Variants in PID1 observed in about 807,000 individuals in gnomAD.
PID1 encodes PTB-containing, cubilin and LRP1-interacting protein.
Under a neutral mutation model 19.1 loss-of-function variants are expected in PID1, and 10 were observed. The observed-to-expected ratio is 0.52, with a 90% CI of 0.32 to 0.89. PID1 has a LOEUF of 0.89. Among genes scored for constraint, PID1 ranks in the 40% least tolerant of loss-of-function variants. PID1 has a pLI of 0.03. For synonymous variants in PID1, 130 were observed against 116.0 expected, an observed-to-expected ratio of 1.12 and a Z score of -0.78; for missense variants, 248 against 285.3, an observed-to-expected ratio of 0.87 and a Z score of 0.94.
chr2:229,093,100 C>T (rs1280564403), intron 2 of PID1, among the ~76,000 whole-genome samples: 1 of 151,164 alleles, frequency 6.6e-6, no homozygotes, highest in East Asian at 1.9e-4. Flanking sequence ...GTTTCTCCCT[C>T]CCCTTTTCTG....
rs552416079 is a variant in PID1, at chr2:229,137,927, C to T, written c.177+17891G>A. 5.3e-5 allele frequency among the ~76,000 whole-genome samples: 8 copies of T among 152,268 alleles called. No homozygotes were observed. In the East Asian group the frequency reaches 1.4e-3, roughly 26 times the overall value. On this transcript the variant is annotated intron_variant, in intron 2 of 2. Transcript: ENST00000392055. Reference sequence around the variant, plus strand: ...CTGTGCAGATGACAAATAAACCCATCGACAGTTCCCTACGTAGAACAGGTG... The same window carrying T: ...CTGTGCAGATGACAAATAAACCCATTGACAGTTCCCTACGTAGAACAGGTG...
intron 1 of PID1, among the ~76,000 whole-genome samples, chr2:229,250,364 T>C (rs909701794): frequency 4.6e-5 from 7 of 152,244 alleles, no homozygotes; most frequent in Admixed American, 1.3e-4. Context: ...AATGCTTTTA[T>C]TTAAAGATGG....
At chr2:229,221,484 C>T (rs988245078) in intron 1 of PID1, among the ~76,000 whole-genome samples, 1 of 152,172 alleles carries the variant, frequency 6.6e-6, no homozygotes, top group African/African-American at 2.4e-5. Flanking sequence ...TTGAGACCTT[C>T]TCTTCATTCC....
chr2:229,213,836 T>C (rs1470264586), intron 1 of PID1, among the ~76,000 whole-genome samples: 1 of 152,156 alleles, frequency 6.6e-6, no homozygotes, highest in Non-Finnish European at 1.5e-5. Context: ...GGACCCTTGA[T>C]TAAAAACACA....
intron 1 of PID1, among the ~76,000 whole-genome samples, chr2:229,267,462 T>C (rs1041000469): frequency 1.3e-5 from 2 of 152,218 alleles, no homozygotes; most frequent in African/African-American, 4.8e-5. Context: ...CATGAGAAGA[T>C]GGTTACATGT....
intron 1 of PID1, among the ~76,000 whole-genome samples, chr2:229,176,118 T>G (rs1293708771): frequency 6.6e-6 from 1 of 151,700 alleles, no homozygotes; most frequent in East Asian, 1.9e-4. Context: ...GAAATTTAGA[T>G]TTCTACAGTT....
At chr2:229,118,870 G>C (rs1158571278) in intron 2 of PID1, among the ~76,000 whole-genome samples, 1 of 152,138 alleles carries the variant, frequency 6.6e-6, no homozygotes, top group Admixed American at 6.5e-5. Flanking sequence ...CTAAGATCTT[G>C]ACCAGTATAA....
chr2:229,108,917 C>A (rs1409711488), intron 2 of PID1, among the ~76,000 whole-genome samples: 1 of 152,152 alleles, frequency 6.6e-6, no homozygotes, highest in African/African-American at 2.4e-5. Context: ...CCTGAGTACT[C>A]TCTGTATGAT....
chr2:229,066,703 G>T (rs557695689), intron 2 of PID1, among the ~76,000 whole-genome samples: 1 of 151,582 alleles, frequency 6.6e-6, no homozygotes, highest in African/African-American at 2.4e-5. Context: ...CTATTTTGAG[G>T]ACATAGCATA....
chr2:229,071,568 C>A (rs1375856267), intron 2 of PID1, among the ~76,000 whole-genome samples: 1 of 152,204 alleles, frequency 6.6e-6, no homozygotes, highest in African/African-American at 2.4e-5. Flanking sequence ...ATGATATCTT[C>A]TATATATAAG....
At chr2:229,223,339 G>A (rs141391031) in intron 1 of PID1, among the ~76,000 whole-genome samples, 163 of 152,236 alleles carry the variant, frequency 1.1e-3, no homozygotes, top group African/African-American at 3.5e-3. Flanking sequence ...TTTCTCAAAT[G>A]TGTTTACTAA....
chr2:229,064,828 A>AATGAC, intron 2 of PID1, among the ~76,000 whole-genome samples: 1 of 152,142 alleles, frequency 6.6e-6, no homozygotes, highest in African/African-American at 2.4e-5. Flanking sequence ...GGAGAAATGA[A>AATGAC]ACCTACTTGT....
At chr2:229,030,096 A>G (rs2106164155) in intron 2 of PID1, among the ~76,000 whole-genome samples, 1 of 152,372 alleles carries the variant, frequency 6.6e-6, no homozygotes, top group South Asian at 2.1e-4. Context: ...GCAAATTCTG[A>G]CAGATACTAC....
rs370474565 is a variant in PID1, at chr2:229,155,899, C to T, written c.96G>A (p.Ala32=). 8.1e-6 allele frequency: 13 copies of T among 1,613,808 alleles called. No homozygotes were observed. The East Asian group carries it at 8.9e-5, about 11-fold the overall frequency. Residue 32 remains alanine (A), a synonymous_variant, in exon 2 of 3, where the codon GCG becomes GCA. Coordinates refer to ENST00000392055, the MANE Select transcript of PID1 (RefSeq NM_001100818.2). ...VLTLKKEPLP[A]VIFHEPEAIE... is the part of the protein sequence containing the mutation. Reference sequence around the variant, plus strand: ...TGGCCTCCGGCTCATGGAAGATGACCGCTGGGAGAGGTTCCTTTTTCAGTG... The same window carrying T: ...TGGCCTCCGGCTCATGGAAGATGACTGCTGGGAGAGGTTCCTTTTTCAGTG...
chr2:229,074,934 G>A (rs1188494396), intron 2 of PID1, among the ~76,000 whole-genome samples: 1 of 152,176 alleles, frequency 6.6e-6, no homozygotes, highest in African/African-American at 2.4e-5. Context: ...TAAAAGTGTA[G>A]AATTTGTAGT....
chr2:229,150,524 C>T (rs1341626957), intron 2 of PID1, among the ~76,000 whole-genome samples: 1 of 152,184 alleles, frequency 6.6e-6, no homozygotes, highest in Non-Finnish European at 1.5e-5. Context: ...TTTTCCTGTT[C>T]CTATACACAC....
At chr2:229,084,212 G>A (rs1214740037) in intron 2 of PID1, among the ~76,000 whole-genome samples, 2 of 152,264 alleles carry the variant, frequency 1.3e-5, no homozygotes, top group East Asian at 1.9e-4. Flanking sequence ...TTCAGGGATA[G>A]AGAGGTGACA....
intron 2 of PID1, among the ~76,000 whole-genome samples, chr2:229,090,453 G>T (rs545278767): frequency 3.3e-5 from 5 of 152,262 alleles, no homozygotes; most frequent in African/African-American, 1.2e-4. Flanking sequence ...TGCCTCCCTG[G>T]AAGGTCATGA....
chr2:229,072,326 T>C (rs188729966), intron 2 of PID1, among the ~76,000 whole-genome samples: 48 of 152,296 alleles, frequency 3.2e-4, no homozygotes, highest in African/African-American at 1.1e-3. Context: ...TGGTGGCTCA[T>C]GTCTGTAATT....
Sources: gnomAD v4.1 joint callset for allele counts (sites outside exome capture counted in the v4.1 genomes callset) on GRCh38, gnomAD v4.1.1 for gene constraint, MANE v1.5 for transcripts, NCBI Gene and HGNC (gene_info 2026-07-23, HGNC 2026-07-21) for gene names.